The following PTPRD variants were observed in gnomAD, a reference collection of about 807,000 sequenced individuals.
PTPRD encodes the protein receptor-type tyrosine-protein phosphatase delta.
In PTPRD, 34 loss-of-function variants were observed where a neutral mutation model predicts 214.5. The observed-to-expected ratio is 0.16, with a 90% CI of 0.12 to 0.21. The LOEUF (loss-of-function observed/expected upper bound fraction) is 0.21, where lower values mean the gene tolerates loss of function less well. PTPRD is among the 10% of genes least tolerant of loss of function. PTPRD has a pLI of 1.00. For missense variants in PTPRD, 2,545 were observed against 2,398.7 expected (o/e 1.06, Z -1.27); for synonymous variants, 1,128 against 845.7 (o/e 1.33, Z -5.79).
At chr9:8,660,069 C>A (rs553566104) in intron 12 of PTPRD, among the ~76,000 whole-genome samples, 1 of 152,292 alleles carries the variant, frequency 6.6e-6, no homozygotes, top group Non-Finnish European at 1.5e-5. Context: ...TAGTCATTAC[C>A]ACTTCCTAAT....
At chr9:9,904,305 T>G (rs1181003236) in intron 5 of PTPRD, among the ~76,000 whole-genome samples, 1 of 152,108 alleles carries the variant, frequency 6.6e-6, no homozygotes, top group Non-Finnish European at 1.5e-5. Flanking sequence ...AAAATTATCT[T>G]ACACTGACTA....
intron 8 of PTPRD, among the ~76,000 whole-genome samples, chr9:9,562,182 G>A (rs2083141997): frequency 6.6e-6 from 1 of 152,116 alleles, no homozygotes; most frequent in Non-Finnish European, 1.5e-5. Context: ...CAGCTCCACA[G>A]TTAAGTTCTT....
chr9:8,401,041 G>A (rs2092310256), intron 36 of PTPRD, among the ~76,000 whole-genome samples: 1 of 151,984 alleles, frequency 6.6e-6, no homozygotes, highest in Admixed American at 6.6e-5. Flanking sequence ...CATACTTTCT[G>A]AACAACTTTG....
At chr9:8,391,617 T>A (rs1467207904) in intron 36 of PTPRD, among the ~76,000 whole-genome samples, 1 of 152,136 alleles carries the variant, frequency 6.6e-6, no homozygotes, top group African/African-American at 2.4e-5. Context: ...AAACTTTAAT[T>A]TAGCAGTTAG....
intron 12 of PTPRD, among the ~76,000 whole-genome samples, chr9:8,684,044 C>T (rs535467962): frequency 8.5e-4 from 130 of 152,228 alleles, no homozygotes; most frequent in Non-Finnish European, 1.6e-3. Flanking sequence ...GCTACCCACC[C>T]CTCCTTAGAG....
chr9:9,900,486 C>A (rs938031584), intron 5 of PTPRD, among the ~76,000 whole-genome samples: 1 of 152,208 alleles, frequency 6.6e-6, no homozygotes, highest in East Asian at 1.9e-4. Flanking sequence ...TCAGCCTTAC[C>A]TTCACTGTCC....
At chr9:8,839,839 C>T (rs1002207539) in intron 11 of PTPRD, among the ~76,000 whole-genome samples, 4 of 151,914 alleles carry the variant, frequency 2.6e-5, no homozygotes, top group African/African-American at 4.8e-5. Context: ...ATGAAATATT[C>T]GGCAGCCATT....
At chr9:9,834,371 G>T (rs1048974492) in intron 5 of PTPRD, among the ~76,000 whole-genome samples, 1 of 151,974 alleles carries the variant, frequency 6.6e-6, no homozygotes, top group East Asian at 1.9e-4. Flanking sequence ...TTGCATAGTG[G>T]CTCTGATTGA....
chr9:10,028,300 T>TGG (rs2096970966), intron 4 of PTPRD, among the ~76,000 whole-genome samples: 1 of 152,186 alleles, frequency 6.6e-6, no homozygotes, highest in Admixed American at 6.5e-5. Flanking sequence ...TGCTCAGTCT[T>TGG]GGGGATCTCT....
intron 3 of PTPRD, among the ~76,000 whole-genome samples, chr9:10,190,386 G>GGAAAA (rs2099357566): frequency 2.0e-5 from 1 of 50,156 alleles, no homozygotes; most frequent in African/African-American, 7.2e-5. Context: ...TCTATCTCCA[G>GGAAAA]AAAAAAAAAA....
chr9:10,535,686 T>C (rs936997131), intron 2 of PTPRD, among the ~76,000 whole-genome samples: 1 of 151,600 alleles, frequency 6.6e-6, no homozygotes, highest in African/African-American at 2.4e-5. Flanking sequence ...ATATAATATA[T>C]TTGACTTTAC....
At chr9:8,383,133 A>G (rs1337373555) in intron 37 of PTPRD, among the ~76,000 whole-genome samples, 1 of 152,232 alleles carries the variant, frequency 6.6e-6, no homozygotes, top group Non-Finnish European at 1.5e-5. Flanking sequence ...AAAGAATCTC[A>G]AGCTTTGTTT....
intron 11 of PTPRD, among the ~76,000 whole-genome samples, chr9:8,770,594 C>T (rs938020551): frequency 6.6e-6 from 1 of 152,120 alleles, no homozygotes; most frequent in Non-Finnish European, 1.5e-5. Flanking sequence ...AATCCAAAAT[C>T]TTACACTTCA....
intron 10 of PTPRD, among the ~76,000 whole-genome samples, chr9:9,170,874 G>T (rs1411813002): frequency 6.6e-6 from 1 of 152,094 alleles, no homozygotes; most frequent in East Asian, 1.9e-4. Context: ...AAGCAAGATG[G>T]TCCAGAATGA....
At chr9:9,321,269 C>T (rs1311369944) in intron 9 of PTPRD, among the ~76,000 whole-genome samples, 17 of 152,084 alleles carry the variant, frequency 1.1e-4, no homozygotes, top group Admixed American at 8.5e-4. Flanking sequence ...TAAAGGAGGA[C>T]TCTGGGCTGG....
chr9:9,044,060 C>G lies in PTPRD; in HGVS notation c.-142-25325G>C, dbSNP rs112611819. The stretch of plus-strand genomic sequence containing the variant: ...AGAGCTAATGTTACTCTTAGGAAGT[C>G]TGATGTATTAGTGTTATAACTGTGT... On this transcript the variant is annotated intron_variant, in intron 10 of 45. Transcript: ENST00000381196. 1.7e-4 allele frequency among the ~76,000 whole-genome samples: 26 copies of G among 152,212 alleles called. 1 individual carries two copies. The highest frequency in any genetic ancestry group is 4.1e-4 in the African/African-American group (17 of 41,534).
chr9:8,338,682 G>A (rs1849329709), intron 43 of PTPRD, among the ~76,000 whole-genome samples: 1 of 151,956 alleles, frequency 6.6e-6, no homozygotes, highest in Non-Finnish European at 1.5e-5. Flanking sequence ...CATCCCCAAG[G>A]TTGAGCTGCC....
At chr9:8,819,991 G>A (rs1353213462) in intron 11 of PTPRD, among the ~76,000 whole-genome samples, 1 of 152,096 alleles carries the variant, frequency 6.6e-6, no homozygotes, top group African/African-American at 2.4e-5. Context: ...CATTCTTAAA[G>A]TAGCCATTCA....
chr9:9,966,869 C>T (rs989005815), intron 4 of PTPRD, among the ~76,000 whole-genome samples: 2 of 152,164 alleles, frequency 1.3e-5, no homozygotes, highest in African/African-American at 4.8e-5. Context: ...ACAGAAACAG[C>T]TCACTTTTAC....
Sources: allele counts gnomAD v4.1 joint callset (sites outside exome capture counted in the v4.1 genomes callset), GRCh38; gene constraint gnomAD v4.1.1; transcripts MANE v1.5; gene names NCBI Gene and HGNC (gene_info 2026-07-23, HGNC 2026-07-21).